The following EPHA3 variants were observed in gnomAD, a reference collection of about 807,000 sequenced individuals.
EPHA3 encodes ephrin type-A receptor 3.
In EPHA3, 42 loss-of-function variants were observed where a neutral mutation model predicts 107.1. The observed-to-expected ratio is 0.39, with a 90% CI of 0.31 to 0.51. The LOEUF (loss-of-function observed/expected upper bound fraction) is 0.51, where lower values mean the gene tolerates loss of function less well. EPHA3 is among the 20% of genes least tolerant of loss of function. EPHA3 has a pLI of 0.78. For missense variants in EPHA3, 1,183 were observed against 1,211.2 expected, an observed-to-expected ratio of 0.98 and a Z score of 0.35; for synonymous variants, 461 against 424.8, an observed-to-expected ratio of 1.09 and a Z score of -1.05.
intron 13 of EPHA3, among the ~76,000 whole-genome samples, chr3:89,438,566 CA>C (rs746236490): frequency 2.0e-5 from 3 of 151,584 alleles, no homozygotes; most frequent in Non-Finnish European, 4.4e-5. Context: ...TTTCAAGAAC[CA>C]AAAAAACCAT....
intron 2 of EPHA3, among the ~76,000 whole-genome samples, chr3:89,139,342 GAT>G (rs1424902752): frequency 1.3e-5 from 2 of 151,832 alleles, no homozygotes; most frequent in Admixed American, 1.3e-4. Context: ...TCTTGTGGGT[GAT>G]ATGAGTCAAT....
intron 15 of EPHA3, among the ~76,000 whole-genome samples, chr3:89,470,651 C>T (rs186356393): frequency 7.8e-4 from 119 of 152,146 alleles, no homozygotes; most frequent in African/African-American, 2.8e-3. Flanking sequence ...ATATAAACAT[C>T]GAATATGCCA....
At chr3:89,272,921 A>G (rs1468105785) in intron 3 of EPHA3, among the ~76,000 whole-genome samples, 2 of 151,866 alleles carry the variant, frequency 1.3e-5, no homozygotes, top group Admixed American at 6.6e-5. Flanking sequence ...CACTTAAGAA[A>G]CCATGTATCT....
chr3:89,444,093 A>T (rs554376142), intron 13 of EPHA3, among the ~76,000 whole-genome samples: 1 of 152,124 alleles, frequency 6.6e-6, no homozygotes. Flanking sequence ...GTGAATGTGT[A>T]TTGTTTATGG....
intron 3 of EPHA3, among the ~76,000 whole-genome samples, chr3:89,327,322 C>T (rs376018832): frequency 1.3e-5 from 2 of 152,124 alleles, no homozygotes; most frequent in Non-Finnish European, 2.9e-5. Flanking sequence ...CCTGTAAACA[C>T]ACAGATGATG....
Position 89,380,971 on chromosome 3 carries a change from G to GTTTTTTT in EPHA3, c.1307-14863_1307-14862insTTTTTTT, listed in dbSNP as rs1373969030. Among the ~76,000 whole-genome samples, 167 of 151,294 alleles carry GTTTTTTT rather than the reference G, an allele frequency of 1.1e-3. 3 individuals are homozygous for GTTTTTTT. Among genetic ancestry groups the GTTTTTTT allele is most frequent in the African/African-American group, 4.0e-3 (163 of 40,876 alleles). Reference sequence around the variant, plus strand: ...TTTTTAACCAAAGCTGCTATAGGCTGTTTGTTTGTTTCTTTTTTTGAGACA... The same window carrying GTTTTTTT: ...TTTTTAACCAAAGCTGCTATAGGCTGTTTTTTTTTTGTTTGTTTCTTTTTTTGAGACA... On this transcript the variant is annotated intron_variant, in intron 5 of 16. Coordinates refer to ENST00000336596, the MANE Select transcript of EPHA3 (RefSeq NM_005233.6).
At chr3:89,419,470 T>G (rs1176852622) in intron 11 of EPHA3, 80 bp downstream of exon 11, 1 of 1,327,518 alleles carries the variant, frequency 7.5e-7, no homozygotes, top group African/African-American at 1.5e-5. Flanking sequence ...CATTTAAGAA[T>G]TTTGGCTTTT....
At chr3:89,121,152 C>A (rs1707372775) in intron 1 of EPHA3, among the ~76,000 whole-genome samples, 1 of 152,078 alleles carries the variant, frequency 6.6e-6, no homozygotes, top group South Asian at 2.1e-4. Context: ...AGGAGAATGG[C>A]GTGAACCTGT....
intron 13 of EPHA3, among the ~76,000 whole-genome samples, chr3:89,446,820 C>T (rs1352167194): frequency 6.6e-6 from 1 of 151,628 alleles, no homozygotes; most frequent in Non-Finnish European, 1.5e-5. Flanking sequence ...TGAAAGTATA[C>T]TTATACGCTT....
At chr3:89,333,485 TG>T (rs990899191) in intron 3 of EPHA3, among the ~76,000 whole-genome samples, 2 of 152,206 alleles carry the variant, frequency 1.3e-5, no homozygotes, top group Non-Finnish European at 2.9e-5. Context: ...AAATAAGTTT[TG>T]GTGTTTGCTC....
intron 3 of EPHA3, among the ~76,000 whole-genome samples, chr3:89,241,188 T>C: frequency 6.6e-6 from 1 of 152,128 alleles, no homozygotes; most frequent in East Asian, 1.9e-4. Context: ...ATTTGATTTC[T>C]TTTTGTTTTT....
intron 13 of EPHA3, among the ~76,000 whole-genome samples, chr3:89,439,280 C>T (rs549979479): frequency 2.0e-4 from 31 of 152,266 alleles, no homozygotes; most frequent in African/African-American, 7.0e-4. Flanking sequence ...TTAGCTCAGA[C>T]TAAATGTCAA....
intron 5 of EPHA3, among the ~76,000 whole-genome samples, chr3:89,392,450 C>G (rs748175221): frequency 1.3e-5 from 2 of 149,562 alleles, no homozygotes; most frequent in African/African-American, 5.0e-5. Context: ...AAAAAAAAAA[C>G]CTAGGCTATC....
intron 3 of EPHA3, among the ~76,000 whole-genome samples, chr3:89,300,648 T>C (rs982467014): frequency 5.9e-5 from 9 of 152,122 alleles, no homozygotes; most frequent in African/African-American, 2.2e-4. Flanking sequence ...TAATAAGCTT[T>C]GGAGCCAGAT....
intron 3 of EPHA3, among the ~76,000 whole-genome samples, chr3:89,268,991 G>C (rs977413529): frequency 3.3e-5 from 5 of 151,460 alleles, no homozygotes; most frequent in African/African-American, 1.2e-4. Context: ...TAAACCCATG[G>C]GCATTAGTTA....
At chr3:89,365,109 T>C (rs563089067) in intron 5 of EPHA3, among the ~76,000 whole-genome samples, 1 of 150,894 alleles carries the variant, frequency 6.6e-6, no homozygotes, top group East Asian at 2.0e-4. Context: ...AAACACACCA[T>C]AATAAAGAAA....
At chr3:89,158,359 G>A (rs1373002204) in intron 2 of EPHA3, among the ~76,000 whole-genome samples, 6 of 152,038 alleles carry the variant, frequency 3.9e-5, no homozygotes, top group Non-Finnish European at 8.8e-5. Context: ...TTCATTAGGT[G>A]ACATTGTCTC....
At chr3:89,198,737 G>T (rs1705901780) in intron 2 of EPHA3, among the ~76,000 whole-genome samples, 1 of 152,166 alleles carries the variant, frequency 6.6e-6, no homozygotes, top group East Asian at 1.9e-4. Context: ...CACCGGGAGT[G>T]CTCCGCAGGT....
chr3:89,134,141 C>T (rs1008116299), intron 2 of EPHA3, among the ~76,000 whole-genome samples: 8 of 151,556 alleles, frequency 5.3e-5, no homozygotes, highest in East Asian at 1.9e-4. Flanking sequence ...TTGAGTTCTT[C>T]GGCAACCTCT....
Sources: gnomAD v4.1 joint callset for allele counts (sites outside exome capture counted in the v4.1 genomes callset) on GRCh38, gnomAD v4.1.1 for gene constraint, MANE v1.5 for transcripts, NCBI Gene and HGNC (gene_info 2026-07-23, HGNC 2026-07-21) for gene names.